KCNU1: variants seen among roughly 807,000 people sequenced by gnomAD.
The protein encoded by KCNU1 is potassium calcium-activated channel subfamily U member 1.
Under a neutral mutation model 126.8 loss-of-function variants are expected in KCNU1, and 93 were observed. The observed-to-expected ratio is 0.73, with a 90% CI of 0.62 to 0.87. KCNU1 has a LOEUF of 0.87. Among genes scored for constraint, KCNU1 ranks in the 40% least tolerant of loss-of-function variants. The pLI is 0.00. For synonymous variants in KCNU1, 523 were observed against 494.2 expected, an observed-to-expected ratio of 1.06 and a Z score of -0.77; for missense variants, 1,330 against 1,367.1, an observed-to-expected ratio of 0.97 and a Z score of 0.43.
rs112021251 is a variant in KCNU1 at position 36,842,825 on chromosome 8, A to G, written c.1703+1822A>G. On this transcript the variant is annotated intron_variant, in intron 16 of 26. Coordinates refer to ENST00000399881, the MANE Select transcript of KCNU1 (RefSeq NM_001031836.3). The stretch of plus-strand genomic sequence containing the variant: ...AGCTGAGATTACAGGTGTGTGCACC[A>G]CACCCGGTTAATTTTTGTATTTTTA... 2.4e-3 allele frequency among the ~76,000 whole-genome samples: 365 copies of G among 152,210 alleles called. 11 individuals are homozygous for G. The highest frequency in any genetic ancestry group is 8.4e-3 in the African/African-American group (347 of 41,526).
At chr8:36,834,930 C>A in intron 12 of KCNU1, 62 bp downstream of exon 12, 1 of 1,037,138 alleles carries the variant, frequency 9.6e-7, no homozygotes, top group Admixed American at 2.0e-5. Flanking sequence ...TAAAGTAATG[C>A]CCGGTACATA....
At chr8:36,844,788 G>A (rs200369622) in intron 16 of KCNU1, among the ~76,000 whole-genome samples, 4 of 152,224 alleles carry the variant, frequency 2.6e-5, no homozygotes, top group South Asian at 2.1e-4. Context: ...GAGAACTTCC[G>A]TTCTGCAAAA....
At position 36,935,614 on chromosome 8, in the gene KCNU1, A is replaced by G; in HGVS notation, c.3144A>G (p.Glu1048=). 2 of 1,613,346 alleles carry G rather than the reference A, an allele frequency of 1.2e-6. No homozygotes were observed. The highest frequency in any genetic ancestry group is 1.1e-5 in the South Asian group (1 of 91,068). The change falls in exon 27 of 27, where the codon GAA becomes GAG. Residue 1048 remains glutamate (E), a synonymous_variant. Coordinates refer to ENST00000399881, the MANE Select transcript of KCNU1 (RefSeq NM_001031836.3). Reference sequence around the variant, plus strand: ...GCACTGCTTGTTATAAAAGGAATGAAGAGTTCTCATTGCAAAAGTCATATG... The same window carrying G: ...GCACTGCTTGTTATAAAAGGAATGAGGAGTTCTCATTGCAAAAGTCATATG... ...PFSTACYKRN[E]EFSLQKSYEI...
At chr8:36,835,114 A>G (rs1349626563) in intron 12 of KCNU1, among the ~76,000 whole-genome samples, 2 of 152,170 alleles carry the variant, frequency 1.3e-5, no homozygotes, top group Non-Finnish European at 2.9e-5. Context: ...TTTCATATCT[A>G]TAGTAGCCAT....
At chr8:36,863,023 A>C (rs1322711021) in intron 18 of KCNU1, among the ~76,000 whole-genome samples, 1 of 152,160 alleles carries the variant, frequency 6.6e-6, no homozygotes, top group Non-Finnish European at 1.5e-5. Flanking sequence ...AAGGCTTCTG[A>C]GGATTACAGG....
chr8:36,882,499 C>A (rs577728307), intron 19 of KCNU1, among the ~76,000 whole-genome samples: 4 of 152,250 alleles, frequency 2.6e-5, no homozygotes, highest in Admixed American at 2.0e-4. Context: ...TTTCTCATTG[C>A]GTCTACAAAA....
chr8:36,830,640 T>C (rs989151869), intron 10 of KCNU1, among the ~76,000 whole-genome samples: 1 of 152,144 alleles, frequency 6.6e-6, no homozygotes, highest in Admixed American at 6.6e-5. Context: ...CGCGAAACCA[T>C]GTAGAACTAG....
At chr8:36,868,394 A>G (rs1805986435) in intron 19 of KCNU1, among the ~76,000 whole-genome samples, 2 of 152,130 alleles carry the variant, frequency 1.3e-5, no homozygotes. Context: ...AATGTAAAGT[A>G]TGTGCTATGT....
At chr8:36,925,010 C>T (rs1042516862) in intron 24 of KCNU1, among the ~76,000 whole-genome samples, 1 of 152,132 alleles carries the variant, frequency 6.6e-6, no homozygotes, top group Non-Finnish European at 1.5e-5. Flanking sequence ...ATGAGGAACA[C>T]AGATTTGGTC....
At chr8:36,854,057 C>T (rs1422931837) in intron 18 of KCNU1, among the ~76,000 whole-genome samples, 1 of 152,062 alleles carries the variant, frequency 6.6e-6, no homozygotes, top group Non-Finnish European at 1.5e-5. Flanking sequence ...TTCTTTCTGG[C>T]CTCTATTGTT....
chr8:36,804,109 C>T (rs1373995378), intron 3 of KCNU1, 21 bp downstream of exon 3: 16 of 1,490,156 alleles, frequency 1.1e-5, no homozygotes, highest in Non-Finnish European at 1.5e-5. Flanking sequence ...TGTCCAGTCA[C>T]ACTTGTCTGC....
intron 7 of KCNU1, among the ~76,000 whole-genome samples, chr8:36,812,503 T>A (rs932428903): frequency 2.0e-5 from 3 of 152,014 alleles, no homozygotes; most frequent in Non-Finnish European, 4.4e-5. Flanking sequence ...GTAATATAGC[T>A]AATATAAATG....
chr8:36,811,227 G>A (rs1449468361), intron 7 of KCNU1, among the ~76,000 whole-genome samples: 1 of 152,112 alleles, frequency 6.6e-6, no homozygotes, highest in African/African-American at 2.4e-5. Context: ...ACAATAAATG[G>A]CACCAGAAAG....
At chr8:36,861,102 T>C (rs190606191) in intron 18 of KCNU1, among the ~76,000 whole-genome samples, 335 of 152,270 alleles carry the variant, frequency 2.2e-3, no homozygotes, top group African/African-American at 7.7e-3. Context: ...AGAAGTCCCC[T>C]GGTCTTAGGT....
rs78396730 is a variant in KCNU1, at chr8:36,830,601, G to T, written c.1107-2953G>T. Reference sequence around the variant, plus strand: ...GGCTTTGTAGAAAAATGAGATTATGGGTTGCTTTAAAGTATGGTAGAAGTT... The same window carrying T: ...GGCTTTGTAGAAAAATGAGATTATGTGTTGCTTTAAAGTATGGTAGAAGTT... On this transcript the variant is annotated intron_variant, in intron 10 of 26. Transcript: ENST00000399881. Among the ~76,000 whole-genome samples, 3,638 of 151,884 alleles carry T rather than the reference G, an allele frequency of 0.024. 263 individuals carry two copies. The East Asian group carries it at 0.27, about 11-fold the overall frequency.
intron 19 of KCNU1, among the ~76,000 whole-genome samples, chr8:36,866,587 G>C (rs540938963): frequency 6.6e-6 from 1 of 152,148 alleles, no homozygotes; most frequent in African/African-American, 2.4e-5. Context: ...AACAGTCACA[G>C]ATGAGCACTG....
In KCNU1 at chr8:36,821,926, G is replaced by A. The variant is rs141654646; in HGVS notation, c.1106+4166G>A. 5.4e-3 allele frequency among the ~76,000 whole-genome samples: 826 copies of A among 152,202 alleles called. 8 individuals are homozygous for A. The highest frequency in any genetic ancestry group is 0.019 in the African/African-American group (787 of 41,534). On this transcript the variant is annotated intron_variant, in intron 10 of 26. Coordinates refer to ENST00000399881, the MANE Select transcript of KCNU1 (RefSeq NM_001031836.3). ...TTTGAGGTAGGCCAGGCTAAGCAAC[G>A]ATGTTTGACAGGTTAGCTGTATTCA...
intron 24 of KCNU1, among the ~76,000 whole-genome samples, chr8:36,926,017 G>A (rs1808519269): frequency 1.3e-5 from 2 of 152,016 alleles, no homozygotes; most frequent in African/African-American, 2.4e-5. Flanking sequence ...AGATCTCTAG[G>A]CAATTTATTT....
rs1051779918 is a variant in KCNU1 at position 36,911,220 on chromosome 8, G to C, written c.2521+101G>C. On this transcript the variant is annotated intron_variant, in intron 22 of 26. Coordinates refer to ENST00000399881, the MANE Select transcript of KCNU1 (RefSeq NM_001031836.3). ...TTTTAATTATGGGGAGCAGGAGGGT[G>C]GGCCAGATGTCCTCTGAGGTCCCTT... is the stretch of plus-strand genomic sequence containing the variant. 8.5e-6 allele frequency: 8 copies of C among 936,916 alleles called. No individual in the cohort carries two copies. The African/African-American group carries it at 1.3e-4, about 16-fold the overall frequency. 58.0% of individuals were successfully genotyped at this position (936,916 alleles called of 1,614,324 possible).
Sources: allele counts gnomAD v4.1 joint callset (sites outside exome capture counted in the v4.1 genomes callset), GRCh38; gene constraint gnomAD v4.1.1; transcripts MANE v1.5; gene names NCBI Gene and HGNC (gene_info 2026-07-23, HGNC 2026-07-21).